ANO4: variants seen among roughly 807,000 people sequenced by gnomAD.
ANO4 encodes anoctamin-4.
Under a neutral mutation model 141.9 loss-of-function variants are expected in ANO4, and 69 were observed. The observed-to-expected ratio is 0.49, with a 90% CI of 0.40 to 0.59. The LOEUF is 0.59. ANO4 is among the 20% of genes least tolerant of loss of function. ANO4 has a pLI of 0.00. For missense variants in ANO4, 894 were observed against 1,162.2 expected (o/e 0.77, Z 3.36); for synonymous variants, 350 against 394.3 (o/e 0.89, Z 1.33).
At chr12:101,033,189 T>C (rs1028418380) in intron 9 of ANO4, among the ~76,000 whole-genome samples, 4 of 151,892 alleles carry the variant, frequency 2.6e-5, no homozygotes, top group African/African-American at 7.3e-5. Context: ...AAATTGGAAA[T>C]CATCATTCTC....
intron 8 of ANO4, among the ~76,000 whole-genome samples, chr12:100,990,342 A>G (rs995945104): frequency 6.6e-6 from 1 of 152,214 alleles, no homozygotes; most frequent in African/African-American, 2.4e-5. Context: ...GCTTTAGAAC[A>G]ATACTTCTCA....
At chr12:101,095,686 A>G (rs1208502876) in intron 18 of ANO4, among the ~76,000 whole-genome samples, 1 of 152,240 alleles carries the variant, frequency 6.6e-6, no homozygotes, top group African/African-American at 2.4e-5. Context: ...TAAATGAGAA[A>G]TCAGACACTC....
chr12:101,026,673 T>C (rs74317346), intron 9 of ANO4, among the ~76,000 whole-genome samples: 3,593 of 152,136 alleles, frequency 0.024, 134 homozygotes, highest in African/African-American at 0.082. Flanking sequence ...TTTCAACATA[T>C]GATACTGAAT....
intron 7 of ANO4, among the ~76,000 whole-genome samples, chr12:100,976,288 G>T (rs1156451056): frequency 6.6e-6 from 1 of 152,286 alleles, no homozygotes; most frequent in South Asian, 2.1e-4. Context: ...GGTACATTAT[G>T]GTGGGTTTAC....
At chr12:100,722,165 G>C (rs2030897596) in intron 1 of ANO4, among the ~76,000 whole-genome samples, 1 of 152,096 alleles carries the variant, frequency 6.6e-6, no homozygotes, top group Non-Finnish European at 1.5e-5. Context: ...CAATCACCAA[G>C]TCCTGTTGGT....
At chr12:100,783,280 TTTC>T (rs1253189029) in intron 3 of ANO4, among the ~76,000 whole-genome samples, 2 of 152,192 alleles carry the variant, frequency 1.3e-5, no homozygotes, top group East Asian at 3.9e-4. Context: ...CAAGTTTACA[TTTC>T]TTCTCCTATT....
intron 1 of ANO4, among the ~76,000 whole-genome samples, chr12:100,875,925 C>T (rs2039280866): frequency 1.3e-5 from 2 of 151,948 alleles, no homozygotes; most frequent in Admixed American, 1.3e-4. Context: ...CTTAGACATC[C>T]TAGTGGAGAT....
At chr12:100,884,719 G>C (rs2039743420) in intron 1 of ANO4, among the ~76,000 whole-genome samples, 1 of 152,140 alleles carries the variant, frequency 6.6e-6, no homozygotes, top group African/African-American at 2.4e-5. Context: ...TTTTGGGATG[G>C]AATCTCGCTC....
At chr12:100,822,352 C>T (rs2036101604) in intron 1 of ANO4, among the ~76,000 whole-genome samples, 1 of 151,990 alleles carries the variant, frequency 6.6e-6, no homozygotes, top group Non-Finnish European at 1.5e-5. Flanking sequence ...AAAGTCCCAA[C>T]TCGAGTCTAA....
At chr12:100,881,339 AAAAC>A (rs2039559183) in intron 1 of ANO4, among the ~76,000 whole-genome samples, 1 of 151,996 alleles carries the variant, frequency 6.6e-6, no homozygotes, top group Admixed American at 6.6e-5. Flanking sequence ...GAAGAAGAAA[AAAAC>A]CCATTCCTTT....
intron 9 of ANO4, among the ~76,000 whole-genome samples, chr12:101,033,231 A>G (rs2047049635): frequency 6.8e-6 from 1 of 146,306 alleles, no homozygotes; most frequent in Non-Finnish European, 1.5e-5. Flanking sequence ...AAAACCAAAC[A>G]CCGCATATTC....
At chr12:101,035,908 C>T (rs983209863) in intron 9 of ANO4, among the ~76,000 whole-genome samples, 10 of 152,098 alleles carry the variant, frequency 6.6e-5, no homozygotes, top group Admixed American at 2.6e-4. Flanking sequence ...GTACTATGCT[C>T]ATTACCTGGG....
intron 7 of ANO4, among the ~76,000 whole-genome samples, chr12:100,978,143 G>A (rs1477402366): frequency 1.3e-5 from 2 of 152,164 alleles, no homozygotes; most frequent in African/African-American, 2.4e-5. Context: ...CTACCTGGGT[G>A]GTATTTGAAG....
rs747049563 is a variant in ANO4 at position 101,086,651 on chromosome 12, T to C, written c.1537-9T>C. On this transcript the variant is annotated splice_polypyrimidine_tract_variant and intron_variant, in intron 16 of 27. Transcript: ENST00000392977. ...AAGAGGTTCACCGGGTGTCTTGTCTTCCTGCCAGATCTGCGTGGTGATTGC... is the reference window on the plus strand; with the variant it reads ...AAGAGGTTCACCGGGTGTCTTGTCTCCCTGCCAGATCTGCGTGGTGATTGC... 6.2e-7 allele frequency: 1 copy of C among 1,613,276 alleles called. No homozygotes were observed. The highest frequency in any genetic ancestry group is 2.2e-5 in the East Asian group (1 of 44,866).
At chr12:100,775,942 G>A (rs1316202273) in intron 3 of ANO4, among the ~76,000 whole-genome samples, 2 of 151,542 alleles carry the variant, frequency 1.3e-5, no homozygotes, top group Non-Finnish European at 2.9e-5. Flanking sequence ...TGTGTACTGC[G>A]GCCACTGATT....
At chr12:101,077,395 TC>T (rs1159858248) in intron 14 of ANO4, among the ~76,000 whole-genome samples, 3 of 152,194 alleles carry the variant, frequency 2.0e-5, no homozygotes, top group Non-Finnish European at 2.9e-5. Context: ...GTATTCTGTG[TC>T]CTGTGAATCT....
intron 9 of ANO4, among the ~76,000 whole-genome samples, chr12:101,035,950 C>G (rs981155347): frequency 4.6e-5 from 7 of 152,088 alleles, no homozygotes; most frequent in Non-Finnish European, 7.4e-5. Context: ...TCCCCCAACA[C>G]ACAATTTACC....
intron 1 of ANO4, among the ~76,000 whole-genome samples, chr12:100,837,034 A>AT (rs1398312443): frequency 5.3e-5 from 8 of 152,290 alleles, no homozygotes; most frequent in African/African-American, 1.7e-4. Context: ...GAAAAGCAAT[A>AT]TTTTAATAGG....
chr12:101,069,017 A>G, intron 14 of ANO4: 1 of 798,494 alleles, frequency 1.3e-6, no homozygotes, highest in Non-Finnish European at 2.3e-6. Context: ...CAGTTTAAAG[A>G]GCAAAGATGT....
Sources: gnomAD v4.1 joint callset for allele counts (sites outside exome capture counted in the v4.1 genomes callset) on GRCh38, gnomAD v4.1.1 for gene constraint, MANE v1.5 for transcripts, NCBI Gene and HGNC (gene_info 2026-07-23, HGNC 2026-07-21) for gene names.